The following TESK2 variants were observed in gnomAD, a reference collection of about 807,000 sequenced individuals.
TESK2 encodes the protein dual specificity testis-specific protein kinase 2.
A neutral mutation model predicts 57.1 loss-of-function variants in TESK2; 39 were observed. The observed-to-expected ratio is 0.68, with a 90% confidence interval of 0.53 to 0.89. The LOEUF (loss-of-function observed/expected upper bound fraction) is 0.89, where lower values mean the gene tolerates loss of function less well. Ranked by LOEUF, TESK2 falls within the 40% of genes least tolerant of loss-of-function variation. The pLI is 0.00. For missense variants in TESK2, 646 were observed against 732.1 expected (o/e 0.88, Z 1.36); for synonymous variants, 249 against 267.9 (o/e 0.93, Z 0.69).
chr1:45,399,765 T>A (rs72892534), intron 3 of TESK2, among the ~76,000 whole-genome samples: 1 of 152,296 alleles, frequency 6.6e-6, no homozygotes, highest in African/African-American at 2.4e-5. Flanking sequence ...AAGTTGAAAT[T>A]CTTATTCCAA....
At chr1:45,358,235 C>T (rs538211887) in intron 4 of TESK2, among the ~76,000 whole-genome samples, 104 of 151,834 alleles carry the variant, frequency 6.8e-4, no homozygotes, top group Middle Eastern at 3.4e-3. Flanking sequence ...ATGGCATGAA[C>T]CCAGGAGGCG....
intron 5 of TESK2, 148 bp downstream of exon 5, chr1:45,355,155 G>A: frequency 9.4e-7 from 1 of 1,061,066 alleles, no homozygotes; most frequent in Non-Finnish European, 1.3e-6. Context: ...CTCAAAAACA[G>A]AAGGAAAAGA....
chr1:45,429,423 T>C (rs1650858416), intron 2 of TESK2, among the ~76,000 whole-genome samples: 1 of 152,086 alleles, frequency 6.6e-6, no homozygotes, highest in South Asian at 2.1e-4. Flanking sequence ...AAATTTTTTT[T>C]TTAAACCTGA....
At chr1:45,484,122 T>C (rs1653355625) in intron 1 of TESK2, among the ~76,000 whole-genome samples, 1 of 147,360 alleles carries the variant, frequency 6.8e-6, no homozygotes. Context: ...TTTTTTTTTT[T>C]TTTGAGATGG....
At chr1:45,361,916 T>C (rs1011443903) in intron 4 of TESK2, among the ~76,000 whole-genome samples, 1 of 152,106 alleles carries the variant, frequency 6.6e-6, no homozygotes, top group Non-Finnish European at 1.5e-5. Context: ...TGTGGGAGGA[T>C]CGCTTGAGGC....
intron 1 of TESK2, among the ~76,000 whole-genome samples, chr1:45,485,975 T>C (rs1653462433): frequency 6.6e-6 from 1 of 152,018 alleles, no homozygotes; most frequent in African/African-American, 2.4e-5. Context: ...AACAACAGAG[T>C]TGAATACAAC....
intron 1 of TESK2, among the ~76,000 whole-genome samples, chr1:45,487,818 T>C (rs1653544623): frequency 6.6e-6 from 1 of 152,210 alleles, no homozygotes. Context: ...CTACTATTCT[T>C]AGGCTGTTGA....
intron 1 of TESK2, among the ~76,000 whole-genome samples, chr1:45,462,148 A>G (rs1652354989): frequency 6.6e-6 from 1 of 152,054 alleles, no homozygotes. Context: ...CATGAGTTCA[A>G]TTGTCTTAAT....
chr1:45,485,249 C>T (rs1186718258), intron 1 of TESK2, among the ~76,000 whole-genome samples: 2 of 149,058 alleles, frequency 1.3e-5, no homozygotes, highest in South Asian at 2.1e-4. Context: ...AGTGCAGTGG[C>T]GCGATCTCGG....
chr1:45,434,990 G>GTC (rs1160909342), intron 2 of TESK2, among the ~76,000 whole-genome samples: 1 of 148,300 alleles, frequency 6.7e-6, no homozygotes, highest in Non-Finnish European at 1.5e-5. Context: ...TTGAGACAAG[G>GTC]TCTCTCTCTC....
chr1:45,466,204 C>T lies in TESK2; in HGVS notation c.-86-8333G>A, dbSNP rs533387039. On this transcript the variant is annotated intron_variant, in intron 1 of 10. Transcript: ENST00000372086. The stretch of plus-strand genomic sequence containing the variant: ...AAAAAATACAAAAATTGACCAGGCG[C>T]GGTGGCTCACACCTGTAATCCCAGC... Among the ~76,000 whole-genome samples, 24 of 152,074 alleles carry T rather than the reference C, an allele frequency of 1.6e-4. No individual in the cohort carries two copies. In the South Asian group the frequency reaches 1.7e-3, roughly 11 times the overall value.
intron 4 of TESK2, among the ~76,000 whole-genome samples, chr1:45,371,079 C>CA (rs536097926): frequency 0.011 from 1,526 of 133,294 alleles, 11 homozygotes; most frequent in African/African-American, 0.028. Context: ...TAGCTACTAT[C>CA]AAAAAAAAAA....
At chr1:45,463,835 C>T (rs1261440820) in intron 1 of TESK2, among the ~76,000 whole-genome samples, 1 of 152,150 alleles carries the variant, frequency 6.6e-6, no homozygotes, top group Admixed American at 6.6e-5. Flanking sequence ...GCGATCCACC[C>T]TCCTCAGCCT....
chr1:45,384,323 C>CTATGTATG lies in TESK2; in HGVS notation c.393+1581_393+1588dup, dbSNP rs145216387. 4.4e-3 allele frequency among the ~76,000 whole-genome samples: 667 copies of CTATGTATG among 150,466 alleles called. 5 individuals are homozygous for CTATGTATG. The highest frequency in any genetic ancestry group is 8.9e-3 in the African/African-American group (363 of 40,790). On this transcript the variant is annotated intron_variant, in intron 4 of 10. Coordinates refer to ENST00000372086, the MANE Select transcript of TESK2 (RefSeq NM_007170.3). The stretch of plus-strand genomic sequence containing the variant: ...ATCTATCTATCGACAGGGTCTCACT[C>CTATGTATG]TATGTATGTATGTATGTATGTATGT...
chr1:45,449,124 G>C (rs1021903686), intron 2 of TESK2, among the ~76,000 whole-genome samples: 1 of 151,476 alleles, frequency 6.6e-6, no homozygotes, highest in Non-Finnish European at 1.5e-5. Context: ...TCAGGAAGCT[G>C]AGGGAGGGTA....
chr1:45,355,237 A>G (rs1647368737), intron 5 of TESK2, 66 bp downstream of exon 5: 40 of 1,559,514 alleles, frequency 2.6e-5, no homozygotes, highest in Non-Finnish European at 3.4e-5. Flanking sequence ...TAAATCTAAC[A>G]CAGCTTTCTT....
At chr1:45,387,658 G>A (rs1348063889) in intron 3 of TESK2, among the ~76,000 whole-genome samples, 1 of 152,186 alleles carries the variant, frequency 6.6e-6, no homozygotes, top group African/African-American at 2.4e-5. Context: ...TGATTGCTGA[G>A]TGAGAAGAAA....
rs78935572 is a variant in TESK2, at chr1:45,486,134, C to T, written c.-87+4718G>A. Among the ~76,000 whole-genome samples the T allele has an allele frequency of 4.3e-3, 662 of 152,302 alleles. 10 individuals carry two copies. The East Asian group carries it at 0.049, about 11-fold the overall frequency. On this transcript the variant is annotated intron_variant, in intron 1 of 10. Coordinates refer to ENST00000372086, the MANE Select transcript of TESK2 (RefSeq NM_007170.3). ...AGGGAAAATAACACTAGTGAGACTA[C>T]ACTGAAGTCATCTCCATATGATGAC... is the stretch of plus-strand genomic sequence containing the variant.
chr1:45,386,002 C>T, intron 3 of TESK2, 42 bp from the exon 4 acceptor site: 2 of 1,482,860 alleles, frequency 1.3e-6, no homozygotes, highest in Non-Finnish European at 1.9e-6. Context: ...GAAAAGGACA[C>T]AAATATAAAT....
Sources: gnomAD v4.1 joint callset for allele counts (sites outside exome capture counted in the v4.1 genomes callset) on GRCh38, gnomAD v4.1.1 for gene constraint, MANE v1.5 for transcripts, NCBI Gene and HGNC (gene_info 2026-07-23, HGNC 2026-07-21) for gene names.